The following STRBP variants were observed in gnomAD, a reference collection of about 807,000 sequenced individuals.
The protein encoded by STRBP is spermatid perinuclear RNA binding protein.
In STRBP, 13 loss-of-function variants were observed where a neutral mutation model predicts 80.1. The ratio of observed to expected loss-of-function variants is 0.16; its 90% CI spans 0.11 to 0.26. The LOEUF is 0.26. STRBP is among the 10% of genes least tolerant of loss of function. The pLI, the probability that STRBP is intolerant of heterozygous loss-of-function variation, is 1.00. For missense variants in STRBP, 485 were observed against 815.2 expected (o/e 0.59, Z 4.93); for synonymous variants, 284 against 291.2 (o/e 0.98, Z 0.25).
downstream of STRBP, among the ~76,000 whole-genome samples, chr9:123,120,911 A>G (rs1281284488): frequency 2.0e-5 from 3 of 152,186 alleles, no homozygotes; most frequent in African/African-American, 7.2e-5. Flanking sequence ...TTATAATTAA[A>G]CTAATAACTG....
chr9:123,112,469 T>C (rs2035583039), intron 3 of STRBP: 2 of 167,376 alleles, frequency 1.2e-5, no homozygotes, highest in Admixed American at 6.5e-5. Context: ...TCCCACCTTC[T>C]GTTCACGTCA....
chr9:123,155,214 A>C (rs2037231032), intron 11 of STRBP, among the ~76,000 whole-genome samples: 1 of 152,240 alleles, frequency 6.6e-6, no homozygotes, highest in South Asian at 2.1e-4. Context: ...ATGGAAGCAA[A>C]TAAGCTCATC....
intron 2 of STRBP, among the ~76,000 whole-genome samples, chr9:123,205,854 G>A (rs951723928): frequency 6.6e-6 from 1 of 152,182 alleles, no homozygotes; most frequent in Non-Finnish European, 1.5e-5. Flanking sequence ...TGGCTCAGGT[G>A]TTGATATTAT....
At chr9:123,197,554 T>C (rs531375300) in intron 2 of STRBP, among the ~76,000 whole-genome samples, 2 of 152,212 alleles carry the variant, frequency 1.3e-5, no homozygotes, top group South Asian at 4.1e-4. Flanking sequence ...CCGTATGCCT[T>C]TGGGTACTCA....
At chr9:123,133,589 A>C (rs1230524191) in intron 16 of STRBP, among the ~76,000 whole-genome samples, 1 of 151,564 alleles carries the variant, frequency 6.6e-6, no homozygotes, top group Non-Finnish European at 1.5e-5. Flanking sequence ...CCCAGGCTGG[A>C]GTGCAATGGT....
intron 6 of STRBP, among the ~76,000 whole-genome samples, chr9:123,165,214 G>T (rs536873923): frequency 6.8e-6 from 1 of 147,244 alleles, no homozygotes; most frequent in South Asian, 2.1e-4. Flanking sequence ...CCGGGAGGCG[G>T]ACATTGCAGT....
intron 1 of STRBP, among the ~76,000 whole-genome samples, chr9:123,239,207 C>A (rs1009583281): frequency 2.6e-5 from 4 of 152,116 alleles, no homozygotes; most frequent in Non-Finnish European, 5.9e-5. Context: ...AACCCTGTCT[C>A]CACTAAAAAT....
chr9:123,160,327 C>T, intron 8 of STRBP, 40 bp downstream of exon 8: 4 of 1,444,544 alleles, frequency 2.8e-6, no homozygotes, highest in Admixed American at 1.9e-5. Flanking sequence ...TTCTCTGCTA[C>T]AGCTTCCAAA....
intron 1 of STRBP, among the ~76,000 whole-genome samples, chr9:123,251,920 T>A (rs959597468): frequency 6.6e-6 from 1 of 152,060 alleles, no homozygotes; most frequent in Non-Finnish European, 1.5e-5. Context: ...CCAGCTGACA[T>A]CTCTAAGGGT....
At chr9:123,174,201 C>A in intron 4 of STRBP, among the ~76,000 whole-genome samples, 1 of 152,148 alleles carries the variant, frequency 6.6e-6, no homozygotes, top group Non-Finnish European at 1.5e-5. Flanking sequence ...TTTGGGAGGT[C>A]AAGGCAGGAG....
chr9:123,227,173 T>G (rs959217909), intron 2 of STRBP, among the ~76,000 whole-genome samples: 4 of 152,148 alleles, frequency 2.6e-5, no homozygotes, highest in African/African-American at 9.7e-5. Context: ...AAGTCAATAA[T>G]GTACTCAATC....
chr9:123,209,259 T>C (rs964732892), intron 2 of STRBP, among the ~76,000 whole-genome samples: 2 of 152,326 alleles, frequency 1.3e-5, no homozygotes, highest in South Asian at 2.1e-4. Flanking sequence ...TATGATGCTA[T>C]GGTATAATCG....
chr9:123,159,719 A>C (rs2037442534), intron 8 of STRBP, among the ~76,000 whole-genome samples: 1 of 152,250 alleles, frequency 6.6e-6, no homozygotes, highest in South Asian at 2.1e-4. Flanking sequence ...ATTTTGTCAA[A>C]GTAATCATTG....
intron 1 of STRBP, among the ~76,000 whole-genome samples, chr9:123,249,600 C>A (rs952827849): frequency 1.3e-5 from 2 of 152,244 alleles, no homozygotes; most frequent in Admixed American, 1.3e-4. Flanking sequence ...ATGATTGCAC[C>A]ACTGCACTTC....
In STRBP at chr9:123,179,175, G is replaced by C; in HGVS notation, c.56C>G (p.Ser19Ter). The change falls in exon 4 of 19, where the codon TCA becomes TGA. Residue 19 changes from serine (S) to a stop codon, truncating the protein, a stop_gained. Transcript: ENST00000348403. LOFTEE classifies it high-confidence loss of function. ...NDDRHVMVKH[S>*]TIYPSPEELE... ...TTCCTCCGGAGATGGATAGATTGTT[G>C]AATGTTTCACCATAACATGGCGATC... The C allele has an allele frequency of 6.2e-7, 1 of 1,612,654 alleles. No individual in the cohort carries two copies. Among genetic ancestry groups the C allele is most frequent in the Non-Finnish European group, 8.5e-7 (1 of 1,178,806 alleles).
At chr9:123,168,611 T>C (rs1473238827) in intron 6 of STRBP, among the ~76,000 whole-genome samples, 1 of 152,224 alleles carries the variant, frequency 6.6e-6, no homozygotes, top group African/African-American at 2.4e-5. Context: ...ACTGCGGCAC[T>C]GGTATTTCAG....
At chr9:123,141,222 C>A (rs1033879987) in intron 13 of STRBP, among the ~76,000 whole-genome samples, 1 of 152,122 alleles carries the variant, frequency 6.6e-6, no homozygotes, top group African/African-American at 2.4e-5. Flanking sequence ...TTACCCTAAA[C>A]CAAAAAATCG....
At chr9:123,109,803 G>T (rs1477959883) in intron 3 of STRBP, 1 of 152,218 alleles carries the variant, frequency 6.6e-6, no homozygotes, top group Non-Finnish European at 1.5e-5. Flanking sequence ...CCTCAGAGGG[G>T]AAGGGCAGTC....
downstream of STRBP, among the ~76,000 whole-genome samples, chr9:123,119,665 G>T (rs1348367770): frequency 2.0e-5 from 3 of 152,080 alleles, no homozygotes; most frequent in African/African-American, 7.2e-5. Flanking sequence ...TCCAACACCT[G>T]TTGGCAGAGC....
Sources: allele counts gnomAD v4.1 joint callset (sites outside exome capture counted in the v4.1 genomes callset), GRCh38; gene constraint gnomAD v4.1.1; transcripts MANE v1.5; gene names NCBI Gene and HGNC (gene_info 2026-07-23, HGNC 2026-07-21).